Variants in SLC8A1 observed in about 807,000 individuals in gnomAD.
The protein encoded by SLC8A1 is sodium/calcium exchanger 1.
Under a neutral mutation model 68.3 loss-of-function variants are expected in SLC8A1, and 18 were observed. That is an observed-to-expected ratio of 0.26 (90% CI 0.18 to 0.39). SLC8A1 has a LOEUF of 0.39. Among genes scored for constraint, SLC8A1 ranks in the 10% least tolerant of loss-of-function variants. SLC8A1 has a pLI of 1.00. For synonymous variants in SLC8A1, 475 were observed against 415.5 expected, an observed-to-expected ratio of 1.14 and a Z score of -1.74; for missense variants, 985 against 1,156.7, an observed-to-expected ratio of 0.85 and a Z score of 2.15.
intron 2 of SLC8A1, among the ~76,000 whole-genome samples, chr2:40,234,913 C>A (rs927239993): frequency 6.6e-6 from 1 of 151,964 alleles, no homozygotes; most frequent in Non-Finnish European, 1.5e-5. Flanking sequence ...TATTGATTTG[C>A]GTATATTGAA....
chr2:40,500,191 C>G (rs1705968072), intron 1 of SLC8A1, among the ~76,000 whole-genome samples: 1 of 152,058 alleles, frequency 6.6e-6, no homozygotes, highest in Non-Finnish European at 1.5e-5. Context: ...TCTCATACTT[C>G]TGAGTTACCT....
intron 2 of SLC8A1, among the ~76,000 whole-genome samples, chr2:40,230,450 C>T (rs1232963432): frequency 1.3e-5 from 2 of 152,082 alleles, no homozygotes; most frequent in East Asian, 3.9e-4. Context: ...TGCACCTTGG[C>T]TCAAGTGAGA....
At chr2:40,305,737 T>C (rs1174574768) in intron 2 of SLC8A1, among the ~76,000 whole-genome samples, 1 of 152,208 alleles carries the variant, frequency 6.6e-6, no homozygotes, top group Non-Finnish European at 1.5e-5. Context: ...TTCACTTTCA[T>C]GGACATGTTT....
chr2:40,485,485 G>C (rs895984649), intron 1 of SLC8A1, among the ~76,000 whole-genome samples: 1 of 152,066 alleles, frequency 6.6e-6, no homozygotes, highest in Admixed American at 6.5e-5. Flanking sequence ...TCTCTTGCTT[G>C]CTCAACTGCC....
At chr2:40,171,884 G>A (rs2047553923) in intron 4 of SLC8A1, among the ~76,000 whole-genome samples, 1 of 152,218 alleles carries the variant, frequency 6.6e-6, no homozygotes, top group Non-Finnish European at 1.5e-5. Flanking sequence ...GGAACAATAG[G>A]TAAAGATCTG....
intron 7 of SLC8A1, among the ~76,000 whole-genome samples, chr2:40,118,929 T>G (rs975797328): frequency 3.0e-4 from 46 of 152,110 alleles, no homozygotes; most frequent in African/African-American, 1.1e-3. Context: ...GTATCCCATG[T>G]GTACTCAGAA....
chr2:40,283,858 G>T (rs1223319528), intron 2 of SLC8A1, among the ~76,000 whole-genome samples: 1 of 152,150 alleles, frequency 6.6e-6, no homozygotes, highest in Admixed American at 6.5e-5. Context: ...ATTGTGATCA[G>T]GCAGAAGAAA....
intron 6 of SLC8A1, among the ~76,000 whole-genome samples, chr2:40,140,344 C>T (rs1056340017): frequency 5.9e-5 from 9 of 152,180 alleles, no homozygotes; most frequent in African/African-American, 2.2e-4. Flanking sequence ...ATATCCTAAT[C>T]GCTCCACCCT....
intron 1 of SLC8A1, among the ~76,000 whole-genome samples, chr2:40,484,035 C>G (rs1324511341): frequency 6.6e-6 from 1 of 152,160 alleles, no homozygotes; most frequent in African/African-American, 2.4e-5. Context: ...CCTCAACCAT[C>G]ATTCTGTTAA....
At chr2:40,398,902 T>A (rs1212872978) in intron 2 of SLC8A1, among the ~76,000 whole-genome samples, 3 of 152,202 alleles carry the variant, frequency 2.0e-5, no homozygotes, top group Non-Finnish European at 4.4e-5. Flanking sequence ...TTTGCAAAAT[T>A]TGTCAGTGTG....
intron 1 of SLC8A1, among the ~76,000 whole-genome samples, chr2:40,438,153 G>C (rs1009746325): frequency 1.3e-5 from 2 of 152,070 alleles, no homozygotes; most frequent in Admixed American, 1.3e-4. Flanking sequence ...CAGAGCCTTG[G>C]ACTCTGTACA....
At chr2:40,241,697 C>T (rs946036491) in intron 2 of SLC8A1, among the ~76,000 whole-genome samples, 1 of 152,092 alleles carries the variant, frequency 6.6e-6, no homozygotes, top group African/African-American at 2.4e-5. Flanking sequence ...AATCCCAATT[C>T]AGAGCCTGGG....
intron 2 of SLC8A1, among the ~76,000 whole-genome samples, chr2:40,303,458 C>G (rs1005751775): frequency 6.6e-6 from 1 of 152,188 alleles, no homozygotes. Flanking sequence ...GCACAACACA[C>G]TGAGTTCTGG....
intron 2 of SLC8A1, among the ~76,000 whole-genome samples, chr2:40,417,744 G>A (rs1357691675): frequency 2.6e-5 from 4 of 152,130 alleles, no homozygotes; most frequent in African/African-American, 7.2e-5. Context: ...AGCAGAAATG[G>A]CCTTTGGATG....
intron 2 of SLC8A1, among the ~76,000 whole-genome samples, chr2:40,350,559 A>G (rs1219092275): frequency 7.8e-6 from 1 of 127,904 alleles, no homozygotes; most frequent in African/African-American, 3.0e-5. Flanking sequence ...GCCCCAAGCA[A>G]GCATTACTTC....
intron 2 of SLC8A1, among the ~76,000 whole-genome samples, chr2:40,287,718 G>A (rs2068580224): frequency 6.6e-6 from 1 of 151,552 alleles, no homozygotes; most frequent in Non-Finnish European, 1.5e-5. Flanking sequence ...TGAGGGATAG[G>A]GACTCAGGGA....
At chr2:40,400,944 AGAG>A (rs1343780883) in intron 2 of SLC8A1, among the ~76,000 whole-genome samples, 1 of 152,108 alleles carries the variant, frequency 6.6e-6, no homozygotes, top group Non-Finnish European at 1.5e-5. Flanking sequence ...AACTTGGGAG[AGAG>A]GAGGAGAAAA....
At chr2:40,421,518 A>T (rs569112496) in intron 2 of SLC8A1, among the ~76,000 whole-genome samples, 1 of 152,190 alleles carries the variant, frequency 6.6e-6, no homozygotes, top group Non-Finnish European at 1.5e-5. Flanking sequence ...TCAAAAAACT[A>T]TATCTGGAAA....
chr2:40,486,335 T>C (rs1027560443), intron 1 of SLC8A1, among the ~76,000 whole-genome samples: 9 of 152,208 alleles, frequency 5.9e-5, no homozygotes, highest in Non-Finnish European at 8.8e-5. Context: ...AAAAATACAC[T>C]TATGATACAA....
Sources: allele counts gnomAD v4.1 joint callset (sites outside exome capture counted in the v4.1 genomes callset), GRCh38; gene constraint gnomAD v4.1.1; transcripts MANE v1.5; gene names NCBI Gene and HGNC (gene_info 2026-07-23, HGNC 2026-07-21).